Variants in EPHB1 observed in about 807,000 individuals in gnomAD.
EPHB1 encodes the protein EPH receptor B1.
In EPHB1, 30 loss-of-function variants were observed where a neutral mutation model predicts 94.4. That is an observed-to-expected ratio of 0.32 (90% CI 0.24 to 0.43). EPHB1 has a LOEUF of 0.43. Ranked by LOEUF, EPHB1 falls within the 20% of genes least tolerant of loss-of-function variation. The probability of loss-of-function intolerance (pLI) is 1.00; values close to 1 mark genes in which losing one functional copy is unlikely to be tolerated. For missense variants in EPHB1, 1,055 were observed against 1,308.3 expected (o/e 0.81, Z 2.99); for synonymous variants, 522 against 489.1 (o/e 1.07, Z -0.89).
intron 1 of EPHB1, among the ~76,000 whole-genome samples, chr3:134,882,786 C>CT (rs1227778867): frequency 1.7e-5 from 1 of 59,080 alleles, no homozygotes; most frequent in African/African-American, 5.5e-5. Flanking sequence ...TTCTTTCTTT[C>CT]TTTCTTTCTT....
In EPHB1 at chr3:135,250,758, A is replaced by G. The variant is rs113612966; in HGVS notation, c.2846+1267A>G. ...GACTTCATGGGCTCCGTGGGCTACA[A>G]CATGTACCGATAGCACATATTGTGG... On this transcript the variant is annotated intron_variant, in intron 15 of 15. Transcript: ENST00000398015. Among the ~76,000 whole-genome samples the G allele has an allele frequency of 1.6e-3, 236 of 152,226 alleles. 1 individual carries two copies. Among genetic ancestry groups the G allele is most frequent in the African/African-American group, 5.4e-3 (225 of 41,548 alleles).
chr3:135,001,570 C>G (rs1020642197), intron 3 of EPHB1, among the ~76,000 whole-genome samples: 1 of 152,214 alleles, frequency 6.6e-6, no homozygotes, highest in Non-Finnish European at 1.5e-5. Flanking sequence ...GGGCATATAG[C>G]AAAGCCTTCC....
intron 12 of EPHB1, among the ~76,000 whole-genome samples, 185 bp from the exon 13 acceptor site, chr3:135,240,963 C>A (rs763695142): frequency 6.6e-5 from 10 of 152,136 alleles, no homozygotes; most frequent in Non-Finnish European, 1.2e-4. Flanking sequence ...GCATGCTGGT[C>A]ACCTTGAGCT....
At chr3:135,035,167 C>T (rs1936606590) in intron 3 of EPHB1, among the ~76,000 whole-genome samples, 2 of 152,312 alleles carry the variant, frequency 1.3e-5, no homozygotes, top group East Asian at 3.9e-4. Flanking sequence ...TTCTGCTGCC[C>T]ACACGAAGTG....
intron 3 of EPHB1, among the ~76,000 whole-genome samples, chr3:134,979,575 A>G (rs949986466): frequency 1.3e-5 from 2 of 152,224 alleles, no homozygotes; most frequent in Non-Finnish European, 2.9e-5. Flanking sequence ...AAACAATCTT[A>G]TAAGGGAGTT....
At chr3:135,021,032 G>T (rs568143695) in intron 3 of EPHB1, among the ~76,000 whole-genome samples, 7 of 152,066 alleles carry the variant, frequency 4.6e-5, no homozygotes, top group Non-Finnish European at 1.0e-4. Flanking sequence ...CTGTTACAGT[G>T]CCTTGTTTAT....
At chr3:134,966,362 C>T (rs561721563) in intron 3 of EPHB1, among the ~76,000 whole-genome samples, 1 of 152,278 alleles carries the variant, frequency 6.6e-6, no homozygotes, top group South Asian at 2.1e-4. Flanking sequence ...AGCAACAAAG[C>T]TTCTTCAGAA....
chr3:134,967,366 A>T (rs1281452782), intron 3 of EPHB1, among the ~76,000 whole-genome samples: 3 of 152,166 alleles, frequency 2.0e-5, no homozygotes, highest in Non-Finnish European at 2.9e-5. Context: ...CCAAAAGTTC[A>T]TGGGTTTGAA....
chr3:135,252,704 G>A (rs1398826936), intron 15 of EPHB1, among the ~76,000 whole-genome samples: 2 of 141,628 alleles, frequency 1.4e-5, no homozygotes, highest in Non-Finnish European at 3.1e-5. Context: ...ATAGCAGCAT[G>A]ATTTATAGTC....
At chr3:134,850,726 C>T (rs1390676531) in intron 1 of EPHB1, among the ~76,000 whole-genome samples, 2 of 152,240 alleles carry the variant, frequency 1.3e-5, no homozygotes, top group African/African-American at 4.8e-5. Context: ...GAGCGGCTGG[C>T]ATTGCCTGCT....
chr3:135,142,767 C>T (rs1940870514), intron 5 of EPHB1, among the ~76,000 whole-genome samples: 1 of 152,040 alleles, frequency 6.6e-6, no homozygotes, highest in Admixed American at 6.5e-5. Flanking sequence ...TTTAAGTGGA[C>T]ATTGAACTCA....
chr3:134,817,091 G>A (rs527524446), intron 1 of EPHB1, among the ~76,000 whole-genome samples: 1 of 152,190 alleles, frequency 6.6e-6, no homozygotes, highest in Admixed American at 6.5e-5. Context: ...AGTTTAAGGG[G>A]GCACTAAAGA....
At position 135,151,586 on chromosome 3, in the gene EPHB1, T is replaced by G. The variant is rs1433551296; in HGVS notation, c.1298-2566T>G. The stretch of plus-strand genomic sequence containing the variant: ...TCTGCTGAATCCCCCCACTAGAAAG[T>G]AAGCTCTATGAGGGCTAGAAATTTT... On this transcript the variant is annotated intron_variant, in intron 5 of 15. Coordinates refer to ENST00000398015, the MANE Select transcript of EPHB1 (RefSeq NM_004441.5). Among the ~76,000 whole-genome samples the G allele has an allele frequency of 2.0e-5, 3 of 152,172 alleles. No homozygotes were observed. The East Asian group carries it at 5.8e-4, about 29-fold the overall frequency.
chr3:135,025,165 CTT>C lies in EPHB1; in HGVS notation c.805+73128_805+73129del, dbSNP rs747024011. Among the ~76,000 whole-genome samples the C allele has an allele frequency of 7.0e-3, 566 of 80,750 alleles. 4 individuals are homozygous for C. The highest frequency in any genetic ancestry group is 0.025 in the African/African-American group (520 of 20,606). The allele number at this position is 80,750 out of a possible 152,430, so 53.0% of individuals were successfully genotyped here. On this transcript the variant is annotated intron_variant, in intron 3 of 15. Transcript: ENST00000398015. ...TCCTTCCTTCCCTCCTTCCTTCTTT[CTT>C]TTTTTTTTTTTTTTCAAGAAGGTTA...
intron 1 of EPHB1, among the ~76,000 whole-genome samples, chr3:134,882,623 G>C (rs1036813118): frequency 6.6e-6 from 1 of 152,030 alleles, no homozygotes; most frequent in Non-Finnish European, 1.5e-5. Flanking sequence ...GATAGACTTC[G>C]AGACCTGAAC....
At chr3:135,003,821 C>T (rs1237178799) in intron 3 of EPHB1, among the ~76,000 whole-genome samples, 2 of 151,972 alleles carry the variant, frequency 1.3e-5, no homozygotes, top group Admixed American at 6.5e-5. Flanking sequence ...GGTAGATCTT[C>T]CTCCATCCTT....
intron 1 of EPHB1, among the ~76,000 whole-genome samples, chr3:134,846,837 T>C (rs1201755900): frequency 6.6e-6 from 1 of 152,124 alleles, no homozygotes; most frequent in Non-Finnish European, 1.5e-5. Flanking sequence ...GTCACCTGGA[T>C]AAGGAATGGG....
chr3:135,248,446 A>T lies in EPHB1; in HGVS notation c.2627A>T (p.Asn876Ile), dbSNP rs1247849440. Residue 876 changes from asparagine (N) to isoleucine (I), a missense_variant, in exon 14 of 16, where the codon AAC becomes ATC. Physicochemically the swap from Asn to Ile is moderately radical, Grantham distance 149. Coordinates refer to ENST00000398015, the MANE Select transcript of EPHB1 (RefSeq NM_004441.5). ...CGGCCCCGGTTTGCGGAGATTGTCA[A>T]CACCCTAGATAAGATGATCCGGAAC... Reference protein sequence around the residue: ...NSRPRFAEIVNTLDKMIRNPA... With the variant: ...NSRPRFAEIVITLDKMIRNPA... The T allele has an allele frequency of 3.1e-6, 5 of 1,613,864 alleles. No homozygotes were observed. Among genetic ancestry groups the T allele is most frequent in the Non-Finnish European group, 3.4e-6 (4 of 1,179,796 alleles).
chr3:135,185,883 G>C (rs1054093671), intron 10 of EPHB1, among the ~76,000 whole-genome samples: 3 of 152,150 alleles, frequency 2.0e-5, no homozygotes, highest in East Asian at 3.9e-4. Flanking sequence ...TACCATCCTA[G>C]AATTCATTAT....
Sources: gnomAD v4.1 joint callset for allele counts (sites outside exome capture counted in the v4.1 genomes callset) on GRCh38, gnomAD v4.1.1 for gene constraint, MANE v1.5 for transcripts, NCBI Gene and HGNC (gene_info 2026-07-23, HGNC 2026-07-21) for gene names.